Variants in IRAG1 observed in about 807,000 individuals in gnomAD.
IRAG1 encodes IP3R-associated cGMP kinase substrate.
In IRAG1, 62 loss-of-function variants were observed where a neutral mutation model predicts 106.2. The observed-to-expected ratio is 0.58, with a 90% CI of 0.48 to 0.72. The LOEUF (loss-of-function observed/expected upper bound fraction) is 0.72. IRAG1 is among the 30% of genes least tolerant of loss of function. The pLI is 0.00. For synonymous variants in IRAG1, 462 were observed against 443.9 expected (o/e 1.04, Z -0.51); for missense variants, 1,064 against 1,140.7 (o/e 0.93, Z 0.97).
chr11:10,631,948 C>T (rs765405614), intron 4 of IRAG1, 43 bp downstream of exon 4: 58 of 1,563,320 alleles, frequency 3.7e-5, no homozygotes, highest in Non-Finnish European at 5.1e-5. Flanking sequence ...GCTGCCAGAC[C>T]TGTCTTTCTA....
At chr11:10,621,388 C>T (rs991741080) in intron 10 of IRAG1, among the ~76,000 whole-genome samples, 14 of 152,142 alleles carry the variant, frequency 9.2e-5, no homozygotes, top group African/African-American at 3.1e-4. Flanking sequence ...GAGACTGGCC[C>T]CCAGCAGCTT....
chr11:10,625,841 G>A (rs551310112), intron 9 of IRAG1, 125 bp downstream of exon 9: 35 of 961,630 alleles, frequency 3.6e-5, no homozygotes, highest in South Asian at 2.2e-4. Flanking sequence ...GAAAATTTAC[G>A]CCCTCACAAG....
Position 10,640,508 on chromosome 11 carries a change from T to C in IRAG1, c.226-6437A>G, listed in dbSNP as rs966180578. Among the ~76,000 whole-genome samples, 3 of 152,220 alleles carry C rather than the reference T, an allele frequency of 2.0e-5. No individual in the cohort carries two copies. The South Asian group carries it at 6.2e-4, about 31-fold the overall frequency. On this transcript the variant is annotated intron_variant, in intron 2 of 20. Coordinates refer to ENST00000423302, the MANE Select transcript of IRAG1 (RefSeq NM_130385.4). ...GAGCAAGCTCTGGGCAACTTCTCCTTTTCTGCAAAACTGTTTTGGTGGGAA... is the reference window on the plus strand; with the variant it reads ...GAGCAAGCTCTGGGCAACTTCTCCTCTTCTGCAAAACTGTTTTGGTGGGAA...
chr11:10,582,274 C>A (rs1401042221), intron 18 of IRAG1, among the ~76,000 whole-genome samples: 1 of 152,100 alleles, frequency 6.6e-6, no homozygotes, highest in Non-Finnish European at 1.5e-5. Context: ...TGATCTACAG[C>A]GCTGAGATGA....
chr11:10,665,343 G>A lies in IRAG1; in HGVS notation c.68-13161C>T, dbSNP rs932326799. Among the ~76,000 whole-genome samples, 1 of 152,120 alleles carries A rather than the reference G, an allele frequency of 6.6e-6. No homozygotes were observed. Among genetic ancestry groups the A allele is most frequent in the Non-Finnish European group, 1.5e-5 (1 of 68,018 alleles). The stretch of plus-strand genomic sequence containing the variant: ...ACAGAACCTTCTCCCACCTCTCCAG[G>A]ATGCCTGTCCCCACTTCTTTTTACT... On this transcript the variant is annotated intron_variant, in intron 1 of 20. Transcript: ENST00000423302. The surrounding 1 kb of genome is among the most constrained non-coding windows in gnomAD (Gnocchi z 4.2).
intron 10 of IRAG1, among the ~76,000 whole-genome samples, chr11:10,622,408 C>A (rs950321729): frequency 6.6e-6 from 1 of 152,202 alleles, no homozygotes; most frequent in African/African-American, 2.4e-5. Context: ...TCTCTCCACT[C>A]ACCCATGCCT....
intron 16 of IRAG1, 96 bp from the exon 17 acceptor site, chr11:10,593,695 T>C (rs1852940238): frequency 1.1e-6 from 1 of 928,928 alleles, no homozygotes; most frequent in Admixed American, 2.3e-5. Flanking sequence ...TCTAATGCTG[T>C]AATGGCATTC....
At chr11:10,613,327 G>T (rs1855136767) in intron 10 of IRAG1, among the ~76,000 whole-genome samples, 1 of 150,296 alleles carries the variant, frequency 6.7e-6, no homozygotes, top group Non-Finnish European at 1.5e-5. Context: ...CTGGAAATCA[G>T]CTGGTCCCAG....
At chr11:10,633,211 A>C (rs192575245) in intron 3 of IRAG1, among the ~76,000 whole-genome samples, 2,878 of 151,384 alleles carry the variant, frequency 0.019, 37 homozygotes, top group South Asian at 0.044. Flanking sequence ...AGTAGCTGGG[A>C]CTACAGGCGC....
At chr11:10,593,421 C>G (rs1280806861) in intron 17 of IRAG1, 71 bp downstream of exon 17, 2 of 1,366,642 alleles carry the variant, frequency 1.5e-6, no homozygotes, top group Admixed American at 1.8e-5. Context: ...ACCCTCCCTG[C>G]CCTAGGACTG....
chr11:10,675,928 C>G (rs1860618280), intron 1 of IRAG1, among the ~76,000 whole-genome samples: 1 of 152,240 alleles, frequency 6.6e-6, no homozygotes, highest in South Asian at 2.1e-4. Flanking sequence ...CTGCCTTATT[C>G]ATGGACAGGA....
chr11:10,644,953 T>G (rs1857824604), intron 2 of IRAG1, among the ~76,000 whole-genome samples: 1 of 152,132 alleles, frequency 6.6e-6, no homozygotes, highest in Non-Finnish European at 1.5e-5. Flanking sequence ...AGTATATGGC[T>G]AAACTCGAGA....
chr11:10,634,320 C>T (rs1200296625), intron 2 of IRAG1, among the ~76,000 whole-genome samples: 1 of 152,170 alleles, frequency 6.6e-6, no homozygotes, highest in Admixed American at 6.5e-5. Flanking sequence ...GTGACATATT[C>T]ACGGCATACA....
rs947201603 is a variant in IRAG1 at position 10,573,959 on chromosome 11, C to T, written c.*2373G>A. On this transcript the variant is annotated 3_prime_UTR_variant, in exon 21 of 21. Coordinates refer to ENST00000423302, the MANE Select transcript of IRAG1 (RefSeq NM_130385.4). The stretch of plus-strand genomic sequence containing the variant: ...GGCCGGGCAAATCATCCACTTCTGC[C>T]CCCAGAGTCCCTCTGCCCTGCTCTG... 2 of 152,390 alleles carry T rather than the reference C, an allele frequency of 1.3e-5. No individual in the cohort carries two copies. The highest frequency in any genetic ancestry group is 1.5e-5 in the Non-Finnish European group (1 of 68,182). 9.4% of individuals were successfully genotyped at this position (152,390 alleles called of 1,614,324 possible). A position where few individuals can be genotyped will look rare whatever the true frequency, so the allele number is the denominator to read the frequency against.
At chr11:10,618,369 G>A (rs1053048149) in intron 10 of IRAG1, among the ~76,000 whole-genome samples, 8 of 152,044 alleles carry the variant, frequency 5.3e-5, no homozygotes, top group Non-Finnish European at 1.2e-4. Context: ...CTATTCTTAT[G>A]TTTCCTCTCC....
intron 1 of IRAG1, chr11:10,687,879 G>T (rs1023166742): frequency 1.4e-4 from 143 of 1,051,704 alleles, no homozygotes; most frequent in Non-Finnish European, 1.6e-4. Context: ...TTTTTTTTGG[G>T]GGGGGGTGGT....
rs772857577 is a variant in IRAG1, at chr11:10,626,323, C to T, written c.1011G>A (p.Thr337=). 9 of 1,613,348 alleles carry T rather than the reference C, an allele frequency of 5.6e-6. No homozygotes were observed. The highest frequency in any genetic ancestry group is 2.2e-5 in the South Asian group (2 of 90,922). Reference sequence around the variant, plus strand: ...TCGGCAGAGGGCTGCCCTCCCAGCCCGTTTTCAAGAGCTGCTTCCCCAGCT... The same window carrying T: ...TCGGCAGAGGGCTGCCCTCCCAGCCTGTTTTCAAGAGCTGCTTCCCCAGCT... The part of the protein sequence containing the change: ...ESELGKQLLK[T]GWEGSPLPRS... The change falls in exon 9 of 21, where the codon ACG becomes ACA. Residue 337 remains threonine (T), a synonymous_variant. Coordinates refer to ENST00000423302, the MANE Select transcript of IRAG1 (RefSeq NM_130385.4).
At chr11:10,618,622 G>A (rs1163861726) in intron 10 of IRAG1, among the ~76,000 whole-genome samples, 2 of 152,204 alleles carry the variant, frequency 1.3e-5, no homozygotes, top group Non-Finnish European at 2.9e-5. Context: ...CAAGAAAAGT[G>A]ACATGAGCAG....
chr11:10,659,484 G>C lies in IRAG1; in HGVS notation c.68-7302C>G, dbSNP rs1315748664. 1.3e-4 allele frequency among the ~76,000 whole-genome samples: 20 copies of C among 152,144 alleles called. No individual in the cohort carries two copies. The highest frequency in any genetic ancestry group is 4.8e-4 in the African/African-American group (20 of 41,428). ...CCCTAAACAAAGTCACGTTTCGGGA[G>C]GCTGGCCCTGAGAACCCCGACAATC... On this transcript the variant is annotated intron_variant, in intron 1 of 20. Coordinates refer to ENST00000423302, the MANE Select transcript of IRAG1 (RefSeq NM_130385.4). The surrounding 1 kb of genome is among the most constrained non-coding windows in gnomAD (Gnocchi z 4.1).
Sources: allele counts gnomAD v4.1 joint callset (sites outside exome capture counted in the v4.1 genomes callset), GRCh38; gene constraint gnomAD v4.1.1; non-coding constraint Gnocchi (gnomAD v3.1); transcripts MANE v1.5; gene names NCBI Gene and HGNC (gene_info 2026-07-23, HGNC 2026-07-21).